The following RTN4IP1 variants were observed in gnomAD, a reference collection of about 807,000 sequenced individuals.
RTN4IP1 encodes the protein reticulon 4 interacting protein 1, also known as NAD(P)H oxidoreductase RTN4IP1, mitochondrial.
In RTN4IP1, 32 loss-of-function variants were observed where a neutral mutation model predicts 46.6. The ratio of observed to expected loss-of-function variants is 0.69; its 90% CI spans 0.52 to 0.92. RTN4IP1 has a LOEUF of 0.92. RTN4IP1 is among the 40% of genes least tolerant of loss of function. RTN4IP1 has a pLI of 0.00. For synonymous variants in RTN4IP1, 167 were observed against 161.8 expected (o/e 1.03, Z -0.24); for missense variants, 424 against 485.8 (o/e 0.87, Z 1.20).
At chr6:106,591,705 C>T (rs867226806) in intron 6 of RTN4IP1, among the ~76,000 whole-genome samples, 1 of 152,248 alleles carries the variant, frequency 6.6e-6, no homozygotes. Context: ...GGCATTCAGA[C>T]ACACTGGGAA....
chr6:106,578,854 C>T (rs2114622506), intron 8 of RTN4IP1, among the ~76,000 whole-genome samples: 1 of 151,858 alleles, frequency 6.6e-6, no homozygotes, highest in Non-Finnish European at 1.5e-5. Flanking sequence ...CTGTAAAGGC[C>T]TAAATAGTGA....
chr6:106,580,757 A>C (rs1233560370), intron 8 of RTN4IP1, among the ~76,000 whole-genome samples: 1 of 151,904 alleles, frequency 6.6e-6, no homozygotes, highest in South Asian at 2.1e-4. Flanking sequence ...TTATAAATGC[A>C]TATCTCTTTT....
intron 5 of RTN4IP1, among the ~76,000 whole-genome samples, chr6:106,597,551 C>T (rs1437406872): frequency 6.6e-6 from 1 of 152,032 alleles, no homozygotes; most frequent in Non-Finnish European, 1.5e-5. Flanking sequence ...GCCATGTTGC[C>T]CAGGCTGGTC....
Position 106,571,818 on chromosome 6 carries a change from G to T in RTN4IP1, c.*178C>A. The T allele has an allele frequency of 3.8e-6, 2 of 531,718 alleles. No individual in the cohort carries two copies. Among genetic ancestry groups the T allele is most frequent in the Non-Finnish European group, 3.4e-6 (1 of 297,196 alleles). The allele number at this position is 531,718 out of a possible 1,614,324, so 32.9% of individuals were successfully genotyped here. Reference sequence around the variant, plus strand: ...TTCTACTGACTACAGACAAATCCAAGTGCTGATATTTTTATATCAATTACT... The same window carrying T: ...TTCTACTGACTACAGACAAATCCAATTGCTGATATTTTTATATCAATTACT... On this transcript the variant is annotated 3_prime_UTR_variant, in exon 9 of 9. Transcript: ENST00000369063.
chr6:106,597,941 C>T (rs1328384358), intron 5 of RTN4IP1, among the ~76,000 whole-genome samples: 6 of 152,050 alleles, frequency 3.9e-5, no homozygotes, highest in South Asian at 4.2e-4. Context: ...TGAGAATATG[C>T]GGTGTTTGGT....
chr6:106,622,730 A>G, intron 2 of RTN4IP1, 88 bp downstream of exon 2: 1 of 1,368,516 alleles, frequency 7.3e-7, no homozygotes, highest in Non-Finnish European at 9.9e-7. Context: ...CAGGCAAAGT[A>G]TCTGTGTCAG....
In RTN4IP1 at chr6:106,609,716, C is replaced by A. The variant is rs367576719; in HGVS notation, c.621-6794G>T. 7.9e-5 allele frequency among the ~76,000 whole-genome samples: 12 copies of A among 152,352 alleles called. No individual in the cohort carries two copies. The South Asian group carries it at 2.3e-3, about 29-fold the overall frequency. On this transcript the variant is annotated intron_variant, in intron 4 of 8. Coordinates refer to ENST00000369063, the MANE Select transcript of RTN4IP1 (RefSeq NM_032730.5). ...TGGATACTAAATATAATGGCTACTT[C>A]AGGATCCAACTGCCAAATACATCTC... is the stretch of plus-strand genomic sequence containing the variant.
At chr6:106,577,491 G>A (rs1337749596) in intron 8 of RTN4IP1, among the ~76,000 whole-genome samples, 1 of 134,684 alleles carries the variant, frequency 7.4e-6, no homozygotes. Flanking sequence ...TCCCATACTT[G>A]ATTTCTAGCC....
chr6:106,622,291 G>C (rs1407689620), intron 2 of RTN4IP1, among the ~76,000 whole-genome samples: 1 of 152,202 alleles, frequency 6.6e-6, no homozygotes, highest in Non-Finnish European at 1.5e-5. Context: ...GAATATGTGG[G>C]AGTTCAGTCA....
At chr6:106,584,370 G>C (rs906391426) in intron 7 of RTN4IP1, among the ~76,000 whole-genome samples, 1 of 152,172 alleles carries the variant, frequency 6.6e-6, no homozygotes, top group African/African-American at 2.4e-5. Flanking sequence ...TGAGGTAGCA[G>C]AGGGTCAGCC....
intron 5 of RTN4IP1, among the ~76,000 whole-genome samples, chr6:106,601,218 C>T (rs1015918111): frequency 2.0e-5 from 3 of 152,082 alleles, no homozygotes; most frequent in African/African-American, 7.2e-5. Context: ...TGTATATATT[C>T]TTCGGAGAAA....
intron 6 of RTN4IP1, among the ~76,000 whole-genome samples, chr6:106,588,740 G>A (rs564004619): frequency 6.6e-6 from 1 of 152,256 alleles, no homozygotes; most frequent in East Asian, 1.9e-4. Context: ...AATTCATCTG[G>A]ATGATGTCAA....
chr6:106,591,232 G>C (rs575106151), intron 6 of RTN4IP1, among the ~76,000 whole-genome samples: 2 of 152,216 alleles, frequency 1.3e-5, no homozygotes, highest in African/African-American at 2.4e-5. Context: ...TAAGCTCCAT[G>C]AAAGTGGGCA....
rs889416121 is a variant in RTN4IP1 at position 106,602,991 on chromosome 6, A to G, written c.621-69T>C. On this transcript the variant is annotated intron_variant, in intron 4 of 8. Transcript: ENST00000369063. ...ATATAACTGGATAAACGTTTTCAAC[A>G]AATAACTGGTTGATGATAAGATGAT... 4.2e-5 allele frequency: 49 copies of G among 1,153,096 alleles called. 1 individual carries two copies. Among genetic ancestry groups the G allele is most frequent in the Middle Eastern group, 4.0e-4 (2 of 4,980 alleles). 71.4% of individuals were successfully genotyped at this position (1,153,096 alleles called of 1,614,324 possible).
chr6:106,579,312 GGCTGTA>G (rs2114623318), intron 8 of RTN4IP1, among the ~76,000 whole-genome samples: 1 of 151,786 alleles, frequency 6.6e-6, no homozygotes, highest in South Asian at 2.1e-4. Context: ...GTGGCCCACA[GGCTGTA>G]GTTTGCCAAC....
chr6:106,620,324 C>T (rs1455241095), intron 3 of RTN4IP1, among the ~76,000 whole-genome samples: 2 of 152,056 alleles, frequency 1.3e-5, no homozygotes, highest in Non-Finnish European at 1.5e-5. Context: ...AGGCTGGTCT[C>T]GAACTCCTGA....
chr6:106,612,384 C>CAAAAAA (rs1180927898), intron 4 of RTN4IP1, among the ~76,000 whole-genome samples: 1 of 18,918 alleles, frequency 5.3e-5, no homozygotes, highest in Non-Finnish European at 9.6e-5. Flanking sequence ...AAGACTCCGT[C>CAAAAAA]AAAAAAAAAA....
At chr6:106,586,452 C>A (rs900160128) in intron 7 of RTN4IP1, among the ~76,000 whole-genome samples, 1 of 152,000 alleles carries the variant, frequency 6.6e-6, no homozygotes, top group African/African-American at 2.4e-5. Flanking sequence ...ATGGCTCACA[C>A]CCTCTGTCTC....
Position 106,576,548 on chromosome 6 carries a change from T to C in RTN4IP1, c.1084-4445A>G, listed in dbSNP as rs773608475. Among the ~76,000 whole-genome samples, 33 of 152,134 alleles carry C rather than the reference T, an allele frequency of 2.2e-4. 1 individual carries two copies. The highest frequency in any genetic ancestry group is 1.9e-4 in the Non-Finnish European group (13 of 68,022). On this transcript the variant is annotated intron_variant, in intron 8 of 8. Coordinates refer to ENST00000369063, the MANE Select transcript of RTN4IP1 (RefSeq NM_032730.5). The stretch of plus-strand genomic sequence containing the variant: ...ATTCTTTCTATGGAGCAAAATCCAG[T>C]GGCAATAAAGAACTTAAGGTTTAGA...
Sources: gnomAD v4.1 joint callset for allele counts (sites outside exome capture counted in the v4.1 genomes callset) on GRCh38, gnomAD v4.1.1 for gene constraint, MANE v1.5 for transcripts, NCBI Gene and HGNC (gene_info 2026-07-23, HGNC 2026-07-21) for gene names.